DYNC1H1: variants seen among roughly 807,000 people sequenced by gnomAD.
DYNC1H1 encodes the protein dynein cytoplasmic 1 heavy chain 1.
A neutral mutation model predicts 527.1 loss-of-function variants in DYNC1H1; 51 were observed. The observed-to-expected ratio is 0.10, with a 90% CI of 0.08 to 0.12. The LOEUF is 0.12. DYNC1H1 is among the 10% of genes least tolerant of loss of function. The pLI is 1.00. For synonymous variants in DYNC1H1, 2,189 were observed against 2,278.8 expected (o/e 0.96, Z 1.12); for missense variants, 2,771 against 5,971.8 (o/e 0.46, Z 17.66).
chr14:102,021,055 T>A (rs772303387), intron 42 of DYNC1H1, among the ~76,000 whole-genome samples: 1 of 152,112 alleles, frequency 6.6e-6, no homozygotes, highest in Non-Finnish European at 1.5e-5. Flanking sequence ...TGTTGCTATG[T>A]CAGCTACCTT....
At chr14:102,037,977 C>T (rs2048597788) in intron 57 of DYNC1H1, 1 of 294,230 alleles carries the variant, frequency 3.4e-6, no homozygotes, top group Non-Finnish European at 6.6e-6. Context: ...CTACTGAGCA[C>T]TTCCCATGGC....
In DYNC1H1 at chr14:102,049,842, A is replaced by G. The variant is rs2152601249; in HGVS notation, c.13644A>G (p.Ser4548=). 2 of 1,613,708 alleles carry G rather than the reference A, an allele frequency of 1.2e-6. No homozygotes were observed. The highest frequency in any genetic ancestry group is 1.7e-6 in the Non-Finnish European group (2 of 1,179,916). Residue 4548 remains serine (S), a synonymous_variant, in exon 76 of 78, where the codon TCA becomes TCG. Transcript: ENST00000360184. This position sits in a 1 kb window ranked among gnomAD's most constrained non-coding sequence, Gnocchi z 5.5. ...ELCLEVNVTT[S]QGATLDACSF... ...GCCTGGAAGTCAACGTCACCACCTC[A>G]CAGGGCGCCACCCTTGACGCTTGCA...
In DYNC1H1 at chr14:102,044,796, A is replaced by G. The variant is rs2152598082; in HGVS notation, c.13006+98A>G. On this transcript the variant is annotated intron_variant, in intron 72 of 77. Transcript: ENST00000360184. The surrounding 1 kb of genome is among the most constrained non-coding windows in gnomAD (Gnocchi z 7.1). ...GTCCCCACACGCAGGGTGAGTGTGC[A>G]CTGCTGTCCCAGGGCCCTCCCTGGT... 1 of 1,396,776 alleles carries G rather than the reference A, an allele frequency of 7.2e-7. No individual in the cohort carries two copies. Among genetic ancestry groups the G allele is most frequent in the Non-Finnish European group, 1.0e-6 (1 of 997,472 alleles). The allele number at this position is 1,396,776 out of a possible 1,614,324, so 86.5% of individuals were successfully genotyped here.
At chr14:102,032,733 G>A in intron 52 of DYNC1H1, 1 of 575,398 alleles carries the variant, frequency 1.7e-6, no homozygotes, top group Non-Finnish European at 3.1e-6. Context: ...TGCGCCTGTA[G>A]TCCTAGCTAC....
intron 1 of DYNC1H1, among the ~76,000 whole-genome samples, chr14:101,973,548 C>T (rs1053051271): frequency 1.3e-5 from 2 of 152,184 alleles, no homozygotes; most frequent in Admixed American, 1.3e-4. Flanking sequence ...CGCAATGACT[C>T]ATGCCTGTAG....
At position 102,044,641 on chromosome 14, in the gene DYNC1H1, A is replaced by G; in HGVS notation, c.12949A>G (p.Thr4317Ala). 1 of 1,614,124 alleles carries G rather than the reference A, an allele frequency of 6.2e-7. No individual in the cohort carries two copies. Among genetic ancestry groups the G allele is most frequent in the Non-Finnish European group, 8.5e-7 (1 of 1,180,024 alleles). The change falls in exon 72 of 78, where the codon ACG becomes GCG. Residue 4317 changes from threonine to alanine, a missense_variant. By Grantham distance (58) the Thr-to-Ala change is moderately conservative. Around this residue, in one of 32 missense-constraint regions of DYNC1H1, gnomAD observed 195 missense variants for 428.6 expected, o/e 0.45. Transcript: ENST00000360184. The surrounding 1 kb of genome is among the most constrained non-coding windows in gnomAD (Gnocchi z 7.1). Reference sequence around the variant, plus strand: ...GGTGGAGTTGCTCCCCGACACCCAGACGCCCTCCTGGCTGGGCCTGCCCAA... The same window carrying G: ...GGTGGAGTTGCTCCCCGACACCCAGGCGCCCTCCTGGCTGGGCCTGCCCAA... Reference protein sequence around the residue: ...QWVELLPDTQTPSWLGLPNNA... With the variant: ...QWVELLPDTQAPSWLGLPNNA...
In DYNC1H1 at chr14:102,010,652, A is replaced by G. The variant is rs2048248080; in HGVS notation, c.6406-88A>G. The G allele has an allele frequency of 7.6e-6, 12 of 1,569,440 alleles. No homozygotes were observed. Among genetic ancestry groups the G allele is most frequent in the East Asian group, 2.3e-5 (1 of 44,080 alleles). Reference sequence around the variant, plus strand: ...TGGTGCTCGCACCCTTTGTTCACCAACAGTTACTGATCACGCACCTCCTGG... The same window carrying G: ...TGGTGCTCGCACCCTTTGTTCACCAGCAGTTACTGATCACGCACCTCCTGG... On this transcript the variant is annotated intron_variant, in intron 31 of 77. Transcript: ENST00000360184. This position sits in a 1 kb window ranked among gnomAD's most constrained non-coding sequence, Gnocchi z 6.0.
chr14:102,043,306 G>A (rs1043526305), intron 69 of DYNC1H1: 5 of 206,648 alleles, frequency 2.4e-5, no homozygotes, highest in Non-Finnish European at 4.8e-5. Context: ...AAAAAGACCT[G>A]TCTGGACAAC....
In DYNC1H1 at chr14:102,011,629, G is replaced by A. The variant is rs1049835894; in HGVS notation, c.6619-246G>A. The A allele has an allele frequency of 3.8e-5, 20 of 524,312 alleles. No individual in the cohort carries two copies. Among genetic ancestry groups the A allele is most frequent in the Admixed American group, 6.3e-5 (2 of 31,730 alleles). 32.5% of individuals were successfully genotyped at this position (524,312 alleles called of 1,614,324 possible). On this transcript the variant is annotated intron_variant, in intron 32 of 77. Transcript: ENST00000360184. This position sits in a 1 kb window ranked among gnomAD's most constrained non-coding sequence, Gnocchi z 5.3. Reference sequence around the variant, plus strand: ...TTTAATAATCCATAGATAGGCGCTTGTAAAGCCAGCTACTTGGGAGAGTGA... The same window carrying A: ...TTTAATAATCCATAGATAGGCGCTTATAAAGCCAGCTACTTGGGAGAGTGA...
intron 29 of DYNC1H1, chr14:102,009,614 C>G: frequency 1.7e-6 from 1 of 571,582 alleles, no homozygotes; most frequent in Non-Finnish European, 3.0e-6. Context: ...CCTCTGGTGG[C>G]TTGACCTGGG....
rs2048539630 is a variant in DYNC1H1, at chr14:102,033,881, A to T, written c.10414-95A>T. The T allele has an allele frequency of 1.4e-6, 2 of 1,425,000 alleles. No homozygotes were observed. The highest frequency in any genetic ancestry group is 1.9e-6 in the Non-Finnish European group (2 of 1,027,452). 88.3% of individuals were successfully genotyped at this position (1,425,000 alleles called of 1,614,324 possible). On this transcript the variant is annotated intron_variant, in intron 54 of 77. Transcript: ENST00000360184. The surrounding 1 kb of genome is among the most constrained non-coding windows in gnomAD (Gnocchi z 5.6). Reference sequence around the variant, plus strand: ...TTGGGCACGTTTCTAACCCACCCAAAACCCTGCACATAATGTGGATGAACC... The same window carrying T: ...TTGGGCACGTTTCTAACCCACCCAATACCCTGCACATAATGTGGATGAACC...
intron 18 of DYNC1H1, chr14:102,000,638 G>C: frequency 2.1e-6 from 1 of 485,486 alleles, no homozygotes; most frequent in South Asian, 2.1e-5. Flanking sequence ...GCAATGGCAT[G>C]ATCTCGGCTC....
intron 42 of DYNC1H1, 122 bp from the exon 43 acceptor site, chr14:102,022,629 A>T: frequency 7.4e-7 from 1 of 1,354,344 alleles, no homozygotes; most frequent in Non-Finnish European, 1.0e-6. Flanking sequence ...GTAAAGGAAG[A>T]TGTGTGATAA....
intron 1 of DYNC1H1, among the ~76,000 whole-genome samples, chr14:101,972,754 A>G (rs1204680318): frequency 6.6e-6 from 1 of 152,196 alleles, no homozygotes; most frequent in African/African-American, 2.4e-5. Flanking sequence ...CCATATTTTT[A>G]GTTGCGTCAG....
Position 102,041,370 on chromosome 14 carries a change from A to T in DYNC1H1, c.11942-204A>T. 1.3e-6 allele frequency: 1 copy of T among 747,284 alleles called. No homozygotes were observed. Among genetic ancestry groups the T allele is most frequent in the Non-Finnish European group, 2.3e-6 (1 of 438,786 alleles). 46.3% of individuals were successfully genotyped at this position (747,284 alleles called of 1,614,324 possible). On this transcript the variant is annotated intron_variant, in intron 64 of 77. Transcript: ENST00000360184. The surrounding 1 kb of genome is among the most constrained non-coding windows in gnomAD (Gnocchi z 4.5). ...AATGGCACCTTTGTCCTATGGATAC[A>T]TCCAGGTAGTAAGGTGTTCTCACAG... is the stretch of plus-strand genomic sequence containing the variant.
chr14:102,016,216 T>C lies in DYNC1H1; in HGVS notation c.7473+130T>C. 1.3e-6 allele frequency: 2 copies of C among 1,504,258 alleles called. No individual in the cohort carries two copies. Among genetic ancestry groups the C allele is most frequent in the Non-Finnish European group, 1.8e-6 (2 of 1,103,958 alleles). 93.2% of individuals were successfully genotyped at this position (1,504,258 alleles called of 1,614,324 possible). ...CGAGGCAGAGCCTTCGTTGAGGGGC[T>C]AGGAAAGGTGCAGTGGGTGTCTGTG... On this transcript the variant is annotated intron_variant, in intron 36 of 77. Coordinates refer to ENST00000360184, the MANE Select transcript of DYNC1H1 (RefSeq NM_001376.5). This position sits in a 1 kb window ranked among gnomAD's most constrained non-coding sequence, Gnocchi z 7.3.
chr14:102,016,718 G>A lies in DYNC1H1; in HGVS notation c.7615-48G>A. Reference sequence around the variant, plus strand: ...TGTTCAGGTAAACAAACCTCGTGAGGAGGCACCTTGGTTGCAGCCGGACTC... The same window carrying A: ...TGTTCAGGTAAACAAACCTCGTGAGAAGGCACCTTGGTTGCAGCCGGACTC... On this transcript the variant is annotated intron_variant, in intron 37 of 77. Transcript: ENST00000360184. The surrounding 1 kb of genome is among the most constrained non-coding windows in gnomAD (Gnocchi z 7.3). 2 of 1,594,540 alleles carry A rather than the reference G, an allele frequency of 1.3e-6. No homozygotes were observed.
rs17541234 is a variant in DYNC1H1, at chr14:102,020,470, A to G, written c.8507+414A>G. Among the ~76,000 whole-genome samples the G allele has an allele frequency of 5.6e-3, 856 of 152,264 alleles. 6 individuals carry two copies. The highest frequency in any genetic ancestry group is 8.7e-3 in the South Asian group (42 of 4,816). On this transcript the variant is annotated intron_variant, in intron 42 of 77. Transcript: ENST00000360184. The surrounding 1 kb of genome is among the most constrained non-coding windows in gnomAD (Gnocchi z 4.3). The stretch of plus-strand genomic sequence containing the variant: ...CAGAGCACGGGTTCACTGCTGAGTT[A>G]AAAGGTCTCCCAACAACTGCCCAGT...
At position 101,985,027 on chromosome 14, in the gene DYNC1H1, G is replaced by A. The variant is rs902520085; in HGVS notation, c.1462-660G>A. 1.4e-5 allele frequency among the ~76,000 whole-genome samples: 2 copies of A among 139,974 alleles called. No homozygotes were observed. Among genetic ancestry groups the A allele is most frequent in the African/African-American group, 2.6e-5 (1 of 38,130 alleles). The allele number at this position is 139,974 out of a possible 152,430, so 91.8% of individuals were successfully genotyped here. ...GCTCCTGACCGCAAGTGATCCACCC[G>A]CCCCGGCCTCCCGAAGTGCTGGGAT... On this transcript the variant is annotated intron_variant, in intron 7 of 77. Transcript: ENST00000360184. The surrounding 1 kb of genome is among the most constrained non-coding windows in gnomAD (Gnocchi z 5.9).
Sources: gnomAD v4.1 joint callset for allele counts (sites outside exome capture counted in the v4.1 genomes callset) on GRCh38, gnomAD v4.1.1 for gene constraint, gnomAD v4.1.1 regional missense constraint, Gnocchi (gnomAD v3.1) non-coding constraint, MANE v1.5 for transcripts, NCBI Gene and HGNC (gene_info 2026-07-23, HGNC 2026-07-21) for gene names.